Variants in SIPA1L3 observed in about 807,000 individuals in gnomAD.
The protein encoded by SIPA1L3 is signal induced proliferation associated 1 like 3, also known as signal-induced proliferation-associated 1-like protein 3.
In SIPA1L3, 59 loss-of-function variants were observed where a neutral mutation model predicts 150.1. That is an observed-to-expected ratio of 0.39 (90% CI 0.32 to 0.49). The LOEUF is 0.49. Among genes scored for constraint, SIPA1L3 ranks in the 20% least tolerant of loss-of-function variants. The pLI is 0.86. For synonymous variants in SIPA1L3, 1,070 were observed against 1,077.6 expected, an observed-to-expected ratio of 0.99 and a Z score of 0.14; for missense variants, 2,211 against 2,489.5, an observed-to-expected ratio of 0.89 and a Z score of 2.38.
At chr19:38,041,052 C>T (rs1317237788) in intron 2 of SIPA1L3, among the ~76,000 whole-genome samples, 8 of 151,776 alleles carry the variant, frequency 5.3e-5, no homozygotes, top group African/African-American at 7.3e-5. Flanking sequence ...CGTGAGCCAC[C>T]GTGTCCGGCC....
At chr19:38,118,366 T>C (rs970836925) in intron 8 of SIPA1L3, among the ~76,000 whole-genome samples, 1 of 149,174 alleles carries the variant, frequency 6.7e-6, no homozygotes, top group Non-Finnish European at 1.5e-5. Flanking sequence ...CAGAGGTTGC[T>C]GTGAGCCGAG....
intron 1 of SIPA1L3, among the ~76,000 whole-genome samples, chr19:38,009,567 C>T (rs531623120): frequency 8.5e-5 from 13 of 152,056 alleles, no homozygotes; most frequent in African/African-American, 2.4e-4. Context: ...CTTTTCCAAC[C>T]GTTCAATTGC....
At chr19:38,194,645 T>G (rs1972880786) in intron 18 of SIPA1L3, among the ~76,000 whole-genome samples, 1 of 152,254 alleles carries the variant, frequency 6.6e-6, no homozygotes, top group Non-Finnish European at 1.5e-5. Flanking sequence ...GGGTCTCAGC[T>G]GAGGGGCTGT....
chr19:38,129,980 T>C (rs1046631717), intron 9 of SIPA1L3, among the ~76,000 whole-genome samples: 10 of 152,026 alleles, frequency 6.6e-5, no homozygotes, highest in African/African-American at 2.4e-4. Flanking sequence ...GGCAGGAGAA[T>C]CGCTTGAACC....
chr19:37,948,513 C>G (rs2145545604), intron 1 of SIPA1L3, among the ~76,000 whole-genome samples: 1 of 151,328 alleles, frequency 6.6e-6, no homozygotes, highest in South Asian at 2.1e-4. Flanking sequence ...ACATAGTAAA[C>G]ACTCACATAC....
chr19:38,053,847 T>C (rs1026196256), intron 2 of SIPA1L3, among the ~76,000 whole-genome samples: 2 of 150,454 alleles, frequency 1.3e-5, no homozygotes, highest in African/African-American at 4.9e-5. Context: ...ATTACAGGCG[T>C]GAGCCGCCGC....
chr19:38,202,124 A>T, intron 20 of SIPA1L3, 127 bp downstream of exon 20: 1 of 857,086 alleles, frequency 1.2e-6, no homozygotes, highest in Non-Finnish European at 1.7e-6. Context: ...CTGATATAGC[A>T]GCTACTCCCC....
intron 1 of SIPA1L3, among the ~76,000 whole-genome samples, chr19:37,971,050 GT>G (rs899520659): frequency 1.3e-5 from 2 of 150,798 alleles, no homozygotes; most frequent in East Asian, 1.9e-4. Context: ...AGGCAGTTGT[GT>G]TTTTTTTTGA....
intron 16 of SIPA1L3, among the ~76,000 whole-genome samples, chr19:38,187,109 G>T (rs1440320578): frequency 6.6e-6 from 1 of 151,314 alleles, no homozygotes; most frequent in Admixed American, 6.6e-5. Flanking sequence ...GAGGCTGGGA[G>T]TTGGAAGCCA....
intron 1 of SIPA1L3, among the ~76,000 whole-genome samples, chr19:37,956,064 A>G (rs1189743365): frequency 2.0e-5 from 3 of 152,206 alleles, no homozygotes; most frequent in Admixed American, 2.0e-4. Flanking sequence ...ATCATGGCGC[A>G]CTACAGTATC....
chr19:37,962,730 G>A (rs1002921143), intron 1 of SIPA1L3, among the ~76,000 whole-genome samples: 3 of 152,058 alleles, frequency 2.0e-5, no homozygotes, highest in South Asian at 2.1e-4. Context: ...GGGCTCAAGC[G>A]ATCCTCCTGC....
intron 12 of SIPA1L3, among the ~76,000 whole-genome samples, chr19:38,147,000 T>C (rs560218185): frequency 9.9e-5 from 15 of 152,284 alleles, no homozygotes; most frequent in Non-Finnish European, 1.6e-4. Context: ...TCCCAGCCTT[T>C]AGTTTGTCTT....
intron 4 of SIPA1L3, among the ~76,000 whole-genome samples, chr19:38,095,302 T>C (rs1970353223): frequency 6.6e-6 from 1 of 152,092 alleles, no homozygotes; most frequent in Admixed American, 6.6e-5. Context: ...AATGAGGAAA[T>C]AGGGAAATTA....
rs181189944 is a variant in SIPA1L3, at chr19:37,971,627, G to A, written c.-378-57462G>A. On this transcript the variant is annotated intron_variant, in intron 1 of 21. Coordinates refer to ENST00000222345, the MANE Select transcript of SIPA1L3 (RefSeq NM_015073.3). ...GTTGCCCAGGCTGGAGTACAGTGGC[G>A]CGATCTCGGCTCACTGCTACTTCGC... Among the ~76,000 whole-genome samples the A allele has an allele frequency of 2.6e-3, 401 of 151,878 alleles. 2 individuals are homozygous for A. The highest frequency in any genetic ancestry group is 8.7e-3 in the African/African-American group (361 of 41,386).
chr19:38,142,335 G>A (rs191037711), intron 11 of SIPA1L3, among the ~76,000 whole-genome samples: 5 of 152,348 alleles, frequency 3.3e-5, no homozygotes, highest in East Asian at 1.9e-4. Context: ...GCGGGCAGCC[G>A]CAGTGGATCC....
At chr19:38,125,713 G>T (rs748415259) in intron 9 of SIPA1L3, among the ~76,000 whole-genome samples, 1 of 152,162 alleles carries the variant, frequency 6.6e-6, no homozygotes, top group African/African-American at 2.4e-5. Context: ...TCCCCGGCAG[G>T]CTGACTCAAC....
intron 1 of SIPA1L3, among the ~76,000 whole-genome samples, chr19:37,949,190 C>T (rs1307831606): frequency 2.6e-5 from 4 of 152,210 alleles, no homozygotes; most frequent in African/African-American, 9.6e-5. Context: ...TCTGTCTCTT[C>T]TTTATCTCTG....
intron 1 of SIPA1L3, among the ~76,000 whole-genome samples, chr19:37,963,009 C>T (rs1317443019): frequency 1.3e-5 from 2 of 152,140 alleles, no homozygotes; most frequent in Non-Finnish European, 2.9e-5. Flanking sequence ...GCATAACTTA[C>T]TAGGGGTTGC....
intron 2 of SIPA1L3, among the ~76,000 whole-genome samples, chr19:38,044,417 G>A (rs865853621): frequency 6.6e-6 from 1 of 152,178 alleles, no homozygotes; most frequent in Non-Finnish European, 1.5e-5. Flanking sequence ...GAGAGACGGC[G>A]AGGAATCAGC....
Sources: allele counts gnomAD v4.1 joint callset (sites outside exome capture counted in the v4.1 genomes callset), GRCh38; gene constraint gnomAD v4.1.1; transcripts MANE v1.5; gene names NCBI Gene and HGNC (gene_info 2026-07-23, HGNC 2026-07-21).